Variants in UNC13B observed in about 807,000 individuals in gnomAD.
The protein encoded by UNC13B is unc-13 homolog B.
A neutral mutation model predicts 211.0 loss-of-function variants in UNC13B; 144 were observed. The ratio of observed to expected loss-of-function variants is 0.68; its 90% CI spans 0.60 to 0.78. The LOEUF (loss-of-function observed/expected upper bound fraction) is 0.78, where lower values mean the gene tolerates loss of function less well. Among genes scored for constraint, UNC13B ranks in the 30% least tolerant of loss-of-function variants. UNC13B has a pLI of 0.00. For missense variants in UNC13B, 1,777 were observed against 2,002.0 expected (o/e 0.89, Z 2.14); for synonymous variants, 709 against 725.8 (o/e 0.98, Z 0.37).
At chr9:35,284,435 T>C (rs1449264663) in intron 7 of UNC13B, among the ~76,000 whole-genome samples, 1 of 152,206 alleles carries the variant, frequency 6.6e-6, no homozygotes, top group Admixed American at 6.5e-5. Flanking sequence ...CTTTGACTTA[T>C]TAATATAATG....
At chr9:35,196,458 C>T (rs1587347894) in intron 1 of UNC13B, among the ~76,000 whole-genome samples, 2 of 152,324 alleles carry the variant, frequency 1.3e-5, no homozygotes, top group South Asian at 4.1e-4. Context: ...CAGAGAGACT[C>T]AGGAGCGGAA....
rs753266169 is a variant in UNC13B, at chr9:35,389,862, C to T, written c.11111C>T (p.Pro3704Leu). ...RQYQLKQELP[P>L]EEQGPSIRNL... is the part of the protein sequence containing the mutation. ...TGGATCAAGAAGCAGGAGCTACCTC[C>T]AGAGGAACAAGGGCCCAGCATTCGG... Residue 3704 changes from proline to leucine, a missense_variant, in exon 25 of 40, where the codon CCA becomes CTA. Pro to Leu is a moderately conservative substitution (Grantham distance 98). Transcript: ENST00000635942. 1.2e-6 allele frequency: 2 copies of T among 1,614,100 alleles called. No homozygotes were observed. The highest frequency in any genetic ancestry group is 1.7e-6 in the Non-Finnish European group (2 of 1,179,988).
At position 35,257,380 on chromosome 9, in the gene UNC13B, A is replaced by T. The variant is rs900309159; in HGVS notation, c.469-1613A>T. ...TTATATAAATATTTATAAAATATTT[A>T]TATAAATATTTATAAAAATATTTAT... On this transcript the variant is annotated intron_variant, in intron 6 of 39. Transcript: ENST00000635942. 3.5e-5 allele frequency among the ~76,000 whole-genome samples: 5 copies of T among 142,542 alleles called. No individual in the cohort carries two copies. The South Asian group carries it at 8.8e-4, about 25-fold the overall frequency. 93.5% of individuals were successfully genotyped at this position (142,542 alleles called of 152,430 possible).
rs1834774486 is a variant in UNC13B, at chr9:35,380,788, G to T, written c.10375+149G>T. The T allele has an allele frequency of 1.8e-6, 2 of 1,086,312 alleles. No homozygotes were observed. Among genetic ancestry groups the T allele is most frequent in the Non-Finnish European group, 2.7e-6 (2 of 752,246 alleles). The allele number at this position is 1,086,312 out of a possible 1,614,324, so 67.3% of individuals were successfully genotyped here. ...CTGCAAAGAACTGACTGTGGGGAGGGATGGGGGACAGAGGAGTGGCAGTGG... is the reference window on the plus strand; with the variant it reads ...CTGCAAAGAACTGACTGTGGGGAGGTATGGGGGACAGAGGAGTGGCAGTGG... On this transcript the variant is annotated intron_variant, in intron 18 of 39. Transcript: ENST00000635942.
chr9:35,378,578 C>A, intron 17 of UNC13B, 142 bp downstream of exon 17: 1 of 1,122,114 alleles, frequency 8.9e-7, no homozygotes, highest in Non-Finnish European at 1.3e-6. Flanking sequence ...GTTCAGACAT[C>A]AGCCATTCTT....
At position 35,310,485 on chromosome 9, in the gene UNC13B, G is replaced by A. The variant is rs768882532; in HGVS notation, c.9027G>A (p.Arg3009=). 12 of 1,613,844 alleles carry A rather than the reference G, an allele frequency of 7.4e-6. No individual in the cohort carries two copies. Among genetic ancestry groups the A allele is most frequent in the Non-Finnish European group, 1.0e-5 (12 of 1,179,842 alleles). The change falls in exon 10 of 40, where the codon AGG becomes AGA. Residue 3009 remains arginine (R), a synonymous_variant. Transcript: ENST00000635942. ...MTNKSPTSSS[R]YGSSCNVSQG... is the part of the protein sequence containing the mutation. ...CTCACAGCCCCACCAGCAGCAGTAG[G>A]TATGGCTCCTCCTGTAATGTGAGTC...
At chr9:35,248,830 C>T (rs1440757963) in intron 6 of UNC13B, among the ~76,000 whole-genome samples, 2 of 152,146 alleles carry the variant, frequency 1.3e-5, no homozygotes, top group Non-Finnish European at 1.5e-5. Flanking sequence ...AATGTATATT[C>T]TGTTGATTTG....
intron 12 of UNC13B, among the ~76,000 whole-genome samples, chr9:35,369,842 C>T (rs1834003455): frequency 6.6e-6 from 1 of 152,138 alleles, no homozygotes; most frequent in Non-Finnish European, 1.5e-5. Flanking sequence ...AGACGGTCTC[C>T]TTCTATGTGC....
chr9:35,188,153 G>A (rs1044290499), intron 1 of UNC13B, among the ~76,000 whole-genome samples: 3 of 152,126 alleles, frequency 2.0e-5, no homozygotes, highest in Non-Finnish European at 4.4e-5. Flanking sequence ...ATATACATGA[G>A]CATTTTAGTT....
At chr9:35,278,791 A>T (rs1828320044) in intron 7 of UNC13B, among the ~76,000 whole-genome samples, 1 of 152,328 alleles carries the variant, frequency 6.6e-6, no homozygotes, top group Non-Finnish European at 1.5e-5. Context: ...AATGTATGCT[A>T]TGAAAAACAG....
At chr9:35,248,762 T>A (rs1423137047) in intron 6 of UNC13B, among the ~76,000 whole-genome samples, 1 of 152,210 alleles carries the variant, frequency 6.6e-6, no homozygotes, top group Non-Finnish European at 1.5e-5. Flanking sequence ...TGCTGAGGAA[T>A]GCTTTACTTC....
intron 7 of UNC13B, among the ~76,000 whole-genome samples, chr9:35,277,279 T>C (rs1444101915): frequency 6.6e-6 from 1 of 152,174 alleles, no homozygotes. Context: ...GGGTTGGAAA[T>C]TTACTTTCTC....
chr9:35,396,689 C>G (rs1413818990), intron 27 of UNC13B, 87 bp downstream of exon 27: 4 of 1,600,164 alleles, frequency 2.5e-6, no homozygotes, highest in Non-Finnish European at 3.4e-6. Flanking sequence ...GCAAGCCAGT[C>G]TCGGGGACTG....
In UNC13B at chr9:35,308,326, G is replaced by A. The variant is rs1363858739; in HGVS notation, c.8922G>A (p.Glu2974=). The change falls in exon 9 of 40, where the codon GAG becomes GAA. Residue 2974 remains glutamate (E), a synonymous_variant. Coordinates refer to ENST00000635942, the MANE Select transcript of UNC13B (RefSeq NM_001371189.2). The stretch of plus-strand genomic sequence containing the variant: ...ACCAGCTAGAAAAACAAGAAGAGGA[G>A]GCAGTACCTGCCAGTACTGACTCTG... ...IFHQLEKQEE[E]AVPASTDSDL... is the part of the protein sequence containing the mutation. The A allele has an allele frequency of 1.3e-5, 5 of 398,964 alleles. No homozygotes were observed. Among genetic ancestry groups the A allele is most frequent in the Non-Finnish European group, 2.2e-5 (5 of 226,132 alleles). 24.7% of individuals were successfully genotyped at this position (398,964 alleles called of 1,614,324 possible). A position where few individuals can be genotyped will look rare whatever the true frequency, so the allele number is the denominator to read the frequency against.
rs566501861 is a variant in UNC13B at position 35,362,361 on chromosome 9, A to C, written c.9415-4586A>C. 1.2e-4 allele frequency among the ~76,000 whole-genome samples: 18 copies of C among 152,356 alleles called. 1 individual carries two copies. The South Asian group carries it at 1.9e-3, about 16-fold the overall frequency. ...ATGTTGAATTTGAACTAAGCATGCGATATCTAGGTGATACACACTAAGCAG... is the reference window on the plus strand; with the variant it reads ...ATGTTGAATTTGAACTAAGCATGCGCTATCTAGGTGATACACACTAAGCAG... On this transcript the variant is annotated intron_variant, in intron 11 of 39. Coordinates refer to ENST00000635942, the MANE Select transcript of UNC13B (RefSeq NM_001371189.2).
At chr9:35,330,569 A>C (rs1211455973) in intron 11 of UNC13B, among the ~76,000 whole-genome samples, 2 of 152,234 alleles carry the variant, frequency 1.3e-5, no homozygotes, top group Non-Finnish European at 2.9e-5. Context: ...ACCAAAGAAG[A>C]GGAAGAAGTC....
At chr9:35,254,224 T>C (rs1826681146) in intron 6 of UNC13B, among the ~76,000 whole-genome samples, 1 of 152,180 alleles carries the variant, frequency 6.6e-6, no homozygotes, top group Admixed American at 6.5e-5. Context: ...GATTTCTTAG[T>C]CTATTTGGAT....
chr9:35,195,309 T>A (rs1822876022), intron 1 of UNC13B, among the ~76,000 whole-genome samples: 1 of 148,690 alleles, frequency 6.7e-6, no homozygotes, highest in African/African-American at 2.4e-5. Context: ...TCTGTACCCT[T>A]ATTATCTGCC....
intron 21 of UNC13B, 111 bp downstream of exon 21, chr9:35,382,618 A>G: frequency 3.0e-6 from 4 of 1,332,066 alleles, no homozygotes; most frequent in South Asian, 1.4e-5. Flanking sequence ...GCTGGAGTAC[A>G]GTGGCGTGGT....
Sources: allele counts gnomAD v4.1 joint callset (sites outside exome capture counted in the v4.1 genomes callset), GRCh38; gene constraint gnomAD v4.1.1; transcripts MANE v1.5; gene names NCBI Gene and HGNC (gene_info 2026-07-23, HGNC 2026-07-21).